INO80: variants seen among roughly 807,000 people sequenced by gnomAD.
INO80 encodes INO80 complex ATPase subunit, also known as chromatin-remodeling ATPase INO80.
In INO80, 20 loss-of-function variants were observed where a neutral mutation model predicts 203.4. That is an observed-to-expected ratio of 0.10 (90% CI 0.07 to 0.14). INO80 has a LOEUF of 0.14. Ranked by LOEUF, INO80 falls within the 10% of genes least tolerant of loss-of-function variation. INO80 has a pLI of 1.00. For synonymous variants in INO80, 726 were observed against 685.2 expected (o/e 1.06, Z -0.93); for missense variants, 1,419 against 1,914.4 (o/e 0.74, Z 4.83).
intron 7 of INO80, among the ~76,000 whole-genome samples, chr15:41,083,217 G>A (rs1270317069): frequency 1.8e-4 from 27 of 148,110 alleles, no homozygotes; most frequent in African/African-American, 3.7e-4. Context: ...CCCGGGAGGC[G>A]GAGCTTGCAG....
rs1165605958 is a variant in INO80 at position 40,982,844 on chromosome 15, C to A, written c.4453+18G>T. Reference sequence around the variant, plus strand: ...CTCTGACCAGAACAAAGTCTGCAGCCACCCTGGGCTTCTGTACCTTTAGAC... The same window carrying A: ...CTCTGACCAGAACAAAGTCTGCAGCAACCCTGGGCTTCTGTACCTTTAGAC... On this transcript the variant is annotated intron_variant, in intron 35 of 35. Transcript: ENST00000648947. 1 of 1,593,930 alleles carries A rather than the reference C, an allele frequency of 6.3e-7. No individual in the cohort carries two copies. Among genetic ancestry groups the A allele is most frequent in the East Asian group, 2.2e-5 (1 of 44,630 alleles).
chr15:41,069,476 TA>T (rs2045277600), intron 14 of INO80, 93 bp downstream of exon 14: 3 of 724,734 alleles, frequency 4.1e-6, no homozygotes, highest in Non-Finnish European at 4.4e-6. Flanking sequence ...GGCCAAAATT[TA>T]AAACTGTTAT....
At chr15:41,031,020 T>G (rs2044451878) in intron 24 of INO80, among the ~76,000 whole-genome samples, 1 of 152,222 alleles carries the variant, frequency 6.6e-6, no homozygotes. Flanking sequence ...TCATTGAAGT[T>G]GCTAAGTCAA....
rs2045330754 is a variant in INO80 at position 41,072,126 on chromosome 15, T to A, written c.1396-68A>T. Reference sequence around the variant, plus strand: ...GAAAAATATTACATGAAAATAAGACTCAAGATAACAATATATCTACCCTGT... The same window carrying A: ...GAAAAATATTACATGAAAATAAGACACAAGATAACAATATATCTACCCTGT... On this transcript the variant is annotated intron_variant, in intron 11 of 35. Transcript: ENST00000648947. The A allele has an allele frequency of 2.8e-6, 3 of 1,082,046 alleles. No individual in the cohort carries two copies. The East Asian group carries it at 7.8e-5, about 28-fold the overall frequency. The allele number at this position is 1,082,046 out of a possible 1,614,324, so 67.0% of individuals were successfully genotyped here. A position where few individuals can be genotyped will look rare whatever the true frequency, so the allele number is the denominator to read the frequency against.
Position 41,092,934 on chromosome 15 carries a change from C to CA in INO80, c.382-753dup, listed in dbSNP as rs565314653. Reference sequence around the variant, plus strand: ...CCTATAGTCCCAGCTACTTGGGAGACAGAGGAGGAAGGATTGCTTGACCCC... The same window carrying CA: ...CCTATAGTCCCAGCTACTTGGGAGACAAGAGGAGGAAGGATTGCTTGACCCC... On this transcript the variant is annotated intron_variant, in intron 4 of 35. Coordinates refer to ENST00000648947, the MANE Select transcript of INO80 (RefSeq NM_017553.3). 5.8e-4 allele frequency among the ~76,000 whole-genome samples: 88 copies of CA among 152,138 alleles called. 1 individual carries two copies. Among genetic ancestry groups the CA allele is most frequent in the African/African-American group, 2.1e-3 (87 of 41,492 alleles).
At chr15:41,013,492 C>T (rs1479112096) in intron 27 of INO80, among the ~76,000 whole-genome samples, 4 of 152,068 alleles carry the variant, frequency 2.6e-5, no homozygotes, top group Non-Finnish European at 4.4e-5. Context: ...GATAAAAAAA[C>T]GCAGACCTAG....
chr15:41,107,505 A>T (rs1052798317), intron 1 of INO80, among the ~76,000 whole-genome samples: 16 of 152,240 alleles, frequency 1.1e-4, no homozygotes, highest in Admixed American at 2.6e-4. Flanking sequence ...TGTCATTAAA[A>T]AATAACTAAC....
intron 6 of INO80, among the ~76,000 whole-genome samples, chr15:41,086,311 T>C (rs961929114): frequency 3.3e-5 from 5 of 152,000 alleles, no homozygotes; most frequent in African/African-American, 1.2e-4. Context: ...CTAATAAAGA[T>C]AATAGAGAAA....
intron 27 of INO80, among the ~76,000 whole-genome samples, chr15:41,008,224 T>TACACACACACACACACACACAC (rs71104765): frequency 4.0e-5 from 6 of 148,938 alleles, no homozygotes; most frequent in African/African-American, 1.5e-4. Context: ...TATATATACA[T>TACACACACACACACACACACAC]ACACACACAC....
intron 24 of INO80, among the ~76,000 whole-genome samples, chr15:41,031,587 AAGGGAGGGAGGGAGGGAGGAAGGGAGG>A (rs1566919163): frequency 6.6e-3 from 9 of 1,364 alleles, no homozygotes; most frequent in African/African-American, 7.9e-3. Context: ...GGAAGGGAGG[AAGGGAGGGAGGGAGGGAGGAAGGGAGG>A]AGGGAGGAAG....
At position 41,023,809 on chromosome 15, in the gene INO80, AAAAAAAACAAC is replaced by A. The variant is rs1312693072; in HGVS notation, c.3049-2695_3049-2685del. Among the ~76,000 whole-genome samples, 167 of 150,804 alleles carry A rather than the reference AAAAAAAACAAC, an allele frequency of 1.1e-3. 4 individuals carry two copies. In the South Asian group the frequency reaches 0.019, roughly 17 times the overall value. Reference sequence around the variant, plus strand: ...CAAAACAAAACGAAAAAAAGAAACAAAAAAAAACAACAAAAAAACCTCATACAGACCAATTT... The same window carrying A: ...CAAAACAAAACGAAAAAAAGAAACAAAAAAAAACCTCATACAGACCAATTT... On this transcript the variant is annotated intron_variant, in intron 25 of 35. Coordinates refer to ENST00000648947, the MANE Select transcript of INO80 (RefSeq NM_017553.3).
intron 25 of INO80, among the ~76,000 whole-genome samples, chr15:41,021,717 G>A (rs572610517): frequency 9.8e-5 from 15 of 152,320 alleles, no homozygotes; most frequent in African/African-American, 3.4e-4. Context: ...GCGGAGGCAG[G>A]GGAGGGTAGG....
chr15:41,087,478 T>A lies in INO80; in HGVS notation c.658+84A>T, dbSNP rs1001054470. 2.3e-5 allele frequency: 32 copies of A among 1,418,564 alleles called. 1 individual carries two copies. The Middle Eastern group carries it at 1.5e-3, about 68-fold the overall frequency. The allele number at this position is 1,418,564 out of a possible 1,614,324, so 87.9% of individuals were successfully genotyped here. The stretch of plus-strand genomic sequence containing the variant: ...CAAATTTCTACCATATGGACTTATA[T>A]ATAAAGTCCAAATGCACCAGTAGGC... On this transcript the variant is annotated intron_variant, in intron 6 of 35. Transcript: ENST00000648947.
At chr15:41,048,172 A>G (rs1596291296) in intron 22 of INO80, 40 bp downstream of exon 22, 9 of 1,496,902 alleles carry the variant, frequency 6.0e-6, no homozygotes, top group East Asian at 2.3e-5. Context: ...TCCTGGTAAA[A>G]CCCTGACAAA....
At chr15:41,009,465 G>A (rs1182917711) in intron 27 of INO80, among the ~76,000 whole-genome samples, 2 of 142,258 alleles carry the variant, frequency 1.4e-5, no homozygotes, top group Non-Finnish European at 3.0e-5. Flanking sequence ...TCCCACCTAT[G>A]AGTGAGAATA....
chr15:41,096,110 T>C, intron 2 of INO80, 58 bp downstream of exon 2: 1 of 1,516,902 alleles, frequency 6.6e-7, no homozygotes, highest in Non-Finnish European at 8.9e-7. Flanking sequence ...GTAAAATCTG[T>C]AAGGATGATG....
At chr15:41,051,479 T>C (rs1186479998) in intron 19 of INO80, among the ~76,000 whole-genome samples, 1 of 150,786 alleles carries the variant, frequency 6.6e-6, no homozygotes, top group East Asian at 1.9e-4. Context: ...GGAACCATAC[T>C]AGATCTTCAG....
intron 28 of INO80, chr15:41,005,273 C>A: frequency 1.1e-5 from 2 of 181,460 alleles, no homozygotes; most frequent in Non-Finnish European, 1.1e-5. Flanking sequence ...TTTTTTTCTA[C>A]ATACCTATTA....
At chr15:41,090,177 TAATC>T (rs2045614278) in intron 5 of INO80, among the ~76,000 whole-genome samples, 1 of 152,228 alleles carries the variant, frequency 6.6e-6, no homozygotes, top group Admixed American at 6.5e-5. Flanking sequence ...GCTACAACAT[TAATC>T]AATCTTGAAA....
Sources: gnomAD v4.1 joint callset for allele counts (sites outside exome capture counted in the v4.1 genomes callset) on GRCh38, gnomAD v4.1.1 for gene constraint, MANE v1.5 for transcripts, NCBI Gene and HGNC (gene_info 2026-07-23, HGNC 2026-07-21) for gene names.